The following MED25 variants were observed in gnomAD, a reference collection of about 807,000 sequenced individuals.
MED25 encodes the protein mediator complex subunit 25.
MED25 carries 62 observed loss-of-function variants against 89.4 expected under a neutral mutation model. That is an observed-to-expected ratio of 0.69 (90% CI 0.57 to 0.86). MED25 has a LOEUF of 0.86. Ranked by LOEUF, MED25 falls within the 40% of genes least tolerant of loss-of-function variation. The probability of loss-of-function intolerance (pLI) is 0.00; values close to 1 mark genes in which losing one functional copy is unlikely to be tolerated. For synonymous variants in MED25, 449 were observed against 427.9 expected (o/e 1.05, Z -0.61); for missense variants, 905 against 1,005.2 (o/e 0.90, Z 1.35).
Position 49,830,055 on chromosome 19 carries a change from C to T in MED25, c.689-33C>T. 1 of 1,599,848 alleles carries T rather than the reference C, an allele frequency of 6.3e-7. No individual in the cohort carries two copies. Among genetic ancestry groups the T allele is most frequent in the Admixed American group, 1.7e-5 (1 of 59,584 alleles). On this transcript the variant is annotated intron_variant, in intron 6 of 17. Transcript: ENST00000312865. The surrounding 1 kb of genome is among the most constrained non-coding windows in gnomAD (Gnocchi z 4.6). The stretch of plus-strand genomic sequence containing the variant: ...CCTTTCTCTGCATCTTGAATCCCTT[C>T]TCTCTGGGGTTGGCCATCCCTCCTG...
At chr19:49,837,234 C>G (rs956897290), downstream of MED25, among the ~76,000 whole-genome samples, 1 of 152,236 alleles carries the variant, frequency 6.6e-6, no homozygotes, top group Non-Finnish European at 1.5e-5. Context: ...AGGCATCTGA[C>G]CCAGCCCCAG....
Position 49,835,622 on chromosome 19 carries a change from C to A in MED25, c.1746+17C>A. ...CAGAATCTGGTGAGGACAGGGCTGG[C>A]GGGGTCGGGGCTGGGTTGGGGAGGC... is the stretch of plus-strand genomic sequence containing the variant. On this transcript the variant is annotated intron_variant, in intron 15 of 17. Transcript: ENST00000312865. The surrounding 1 kb of genome is among the most constrained non-coding windows in gnomAD (Gnocchi z 6.2). 1 of 1,555,610 alleles carries A rather than the reference C, an allele frequency of 6.4e-7. No individual in the cohort carries two copies. The highest frequency in any genetic ancestry group is 8.7e-7 in the Non-Finnish European group (1 of 1,150,036).
Position 49,830,810 on chromosome 19 carries a change from T to C in MED25, c.1024T>C (p.Ser342Pro). Residue 342 changes from serine to proline, a missense_variant, in exon 9 of 18, where the codon TCC becomes CCC. Physicochemically the swap from Ser to Pro is moderately conservative, Grantham distance 74. Coordinates refer to ENST00000312865, the MANE Select transcript of MED25 (RefSeq NM_030973.4). This position sits in a 1 kb window ranked among gnomAD's most constrained non-coding sequence, Gnocchi z 4.6. ...TGGCGCCCCCAAGCCACCACCTGCT[T>C]CCCAGCCCAGTCTGGTCTCCACTGT... ...PPGAPKPPPASQPSLVSTVAP... is the reference protein window; with the variant it reads ...PPGAPKPPPAPQPSLVSTVAP... The C allele has an allele frequency of 6.2e-6, 10 of 1,613,306 alleles. No individual in the cohort carries two copies. Among genetic ancestry groups the C allele is most frequent in the Non-Finnish European group, 8.5e-6 (10 of 1,179,850 alleles).
intron 3 of MED25, among the ~76,000 whole-genome samples, chr19:49,822,640 CTTTTTTTTTTTTTTT>C (rs536060694): frequency 2.9e-5 from 2 of 68,246 alleles, no homozygotes; most frequent in Admixed American, 2.4e-4. Flanking sequence ...CTGTTACATT[CTTTTTTTTTTTTTTT>C]TTTTTTTTTT....
intron 3 of MED25, among the ~76,000 whole-genome samples, chr19:49,824,308 A>C (rs1231121598): frequency 6.6e-6 from 1 of 152,192 alleles, no homozygotes; most frequent in East Asian, 1.9e-4. Context: ...CTGGACTGTG[A>C]ATGTCCAGGT....
In MED25 at chr19:49,828,462, G is replaced by T; in HGVS notation, c.319G>T (p.Gly107Cys). 6.2e-7 allele frequency: 1 copy of T among 1,613,878 alleles called. No individual in the cohort carries two copies. The highest frequency in any genetic ancestry group is 8.5e-7 in the Non-Finnish European group (1 of 1,179,800). The change falls in exon 4 of 18, where the codon GGT becomes TGT. Residue 107 changes from glycine (G) to cysteine (C), a missense_variant. By Grantham distance (159) the Gly-to-Cys change is radical. Transcript: ENST00000312865. ...WLDGIKFMGG[G>C]GESCSLIAEG... ...CTGCCCCTGCAGGTTCATGGGCGGG[G>T]GTGGTGAGAGCTGCAGCCTCATCGC...
chr19:49,839,866 C>T (rs1189231688), downstream of MED25: 1 of 152,246 alleles, frequency 6.6e-6, no homozygotes, highest in Admixed American at 6.5e-5. Context: ...TGAGAAGGAA[C>T]AGACATTGTC....
In MED25 at chr19:49,824,587, G is replaced by GA. The variant is rs71180656; in HGVS notation, c.306-3844dup. On this transcript the variant is annotated intron_variant, in intron 3 of 17. Transcript: ENST00000312865. ...GTGAAAGAGCGAGACCCTGTCTCGG[G>GA]AAAAAAAAAAAAAAAAAAGAGGTGG... 7.0e-3 allele frequency among the ~76,000 whole-genome samples: 859 copies of GA among 122,898 alleles called. 6 individuals are homozygous for GA. The highest frequency in any genetic ancestry group is 0.013 in the Middle Eastern group (3 of 234). The allele number at this position is 122,898 out of a possible 152,430, so 80.6% of individuals were successfully genotyped here.
chr19:49,832,190 G>A (rs1281244660), intron 12 of MED25, 33 bp downstream of exon 12: 8 of 1,608,180 alleles, frequency 5.0e-6, no homozygotes, highest in Middle Eastern at 4.1e-4. Context: ...CCCTGCTGCC[G>A]GGCAGTCCTC....
rs371877523 is a variant in MED25 at position 49,835,209 on chromosome 19, C to T, written c.1674+32C>T. The T allele has an allele frequency of 2.4e-4, 379 of 1,611,588 alleles. No individual in the cohort carries two copies. The highest frequency in any genetic ancestry group is 4.9e-4 in the Middle Eastern group (3 of 6,078). On this transcript the variant is annotated intron_variant, in intron 14 of 17. Coordinates refer to ENST00000312865, the MANE Select transcript of MED25 (RefSeq NM_030973.4). The surrounding 1 kb of genome is among the most constrained non-coding windows in gnomAD (Gnocchi z 6.2). ...GTTGACAGTCCCCAAACCAGCACTCCGACCCCCTCCTGCCCGGGCCCCACA... is the reference window on the plus strand; with the variant it reads ...GTTGACAGTCCCCAAACCAGCACTCTGACCCCCTCCTGCCCGGGCCCCACA...
downstream of MED25, chr19:49,840,083 C>T (rs1183778043): frequency 6.6e-6 from 1 of 152,078 alleles, no homozygotes; most frequent in Non-Finnish European, 1.5e-5. Flanking sequence ...GAACCTGAAT[C>T]AAATTAAACA....
intron 3 of MED25, among the ~76,000 whole-genome samples, chr19:49,821,684 G>A (rs2073983205): frequency 6.6e-6 from 1 of 152,078 alleles, no homozygotes; most frequent in Admixed American, 6.6e-5. Context: ...GGGCATGGTG[G>A]CGCATGCCTG....
chr19:49,824,291 C>T (rs2074001227), intron 3 of MED25, among the ~76,000 whole-genome samples: 1 of 152,216 alleles, frequency 6.6e-6, no homozygotes, highest in Non-Finnish European at 1.5e-5. Flanking sequence ...GTCACAGCCC[C>T]ACACCTCTGG....
In MED25 at chr19:49,830,271, G is replaced by T. The variant is rs2074045671; in HGVS notation, c.819+53G>T. The stretch of plus-strand genomic sequence containing the variant: ...CTTCTGGGGACTTGCTGGAGCCCTG[G>T]CCCCTGGGGAGAAATCTAGTTGCAT... On this transcript the variant is annotated intron_variant, in intron 7 of 17. Transcript: ENST00000312865. The surrounding 1 kb of genome is among the most constrained non-coding windows in gnomAD (Gnocchi z 4.6). 1 of 1,576,222 alleles carries T rather than the reference G, an allele frequency of 6.3e-7. No individual in the cohort carries two copies. The highest frequency in any genetic ancestry group is 1.7e-5 in the Admixed American group (1 of 58,698).
Position 49,835,234 on chromosome 19 carries a change from A to C in MED25, c.1674+57A>C. 1 of 1,579,592 alleles carries C rather than the reference A, an allele frequency of 6.3e-7. No individual in the cohort carries two copies. The highest frequency in any genetic ancestry group is 8.7e-7 in the Non-Finnish European group (1 of 1,149,508). ...CGACCCCCTCCTGCCCGGGCCCCACATGGCCCCCTGGGGTCTCCAGGACCA... is the reference window on the plus strand; with the variant it reads ...CGACCCCCTCCTGCCCGGGCCCCACCTGGCCCCCTGGGGTCTCCAGGACCA... On this transcript the variant is annotated intron_variant, in intron 14 of 17. Coordinates refer to ENST00000312865, the MANE Select transcript of MED25 (RefSeq NM_030973.4). This position sits in a 1 kb window ranked among gnomAD's most constrained non-coding sequence, Gnocchi z 6.2.
In MED25 at chr19:49,831,506, C is replaced by G; in HGVS notation, c.1230+45C>G. 6.3e-7 allele frequency: 1 copy of G among 1,597,866 alleles called. No individual in the cohort carries two copies. The highest frequency in any genetic ancestry group is 1.7e-5 in the Admixed American group (1 of 58,218). On this transcript the variant is annotated intron_variant, in intron 10 of 17. Coordinates refer to ENST00000312865, the MANE Select transcript of MED25 (RefSeq NM_030973.4). This position sits in a 1 kb window ranked among gnomAD's most constrained non-coding sequence, Gnocchi z 5.0. ...ATTGGGCACTTGGGACTCCTGGGGCCGTGGGGCTGGGCATGTAGGACTCAT... is the reference window on the plus strand; with the variant it reads ...ATTGGGCACTTGGGACTCCTGGGGCGGTGGGGCTGGGCATGTAGGACTCAT...
chr19:49,818,842 T>G, intron 2 of MED25: 1 of 591,178 alleles, frequency 1.7e-6, no homozygotes. Flanking sequence ...AGGAGGGAGC[T>G]AGGGGCCCAG....
intron 3 of MED25, among the ~76,000 whole-genome samples, chr19:49,823,597 G>A (rs761200068): frequency 1.4e-4 from 22 of 152,174 alleles, no homozygotes; most frequent in Non-Finnish European, 2.6e-4. Flanking sequence ...CTGGTCTGCA[G>A]TCAAGGTTCA....
At chr19:49,826,789 T>C (rs369837108) in intron 3 of MED25, among the ~76,000 whole-genome samples, 2 of 152,248 alleles carry the variant, frequency 1.3e-5, no homozygotes, top group African/African-American at 4.8e-5. Flanking sequence ...CGGGCCGGAA[T>C]GGGTGTGTTC....
Sources: gnomAD v4.1 joint callset for allele counts (sites outside exome capture counted in the v4.1 genomes callset) on GRCh38, gnomAD v4.1.1 for gene constraint, Gnocchi (gnomAD v3.1) non-coding constraint, MANE v1.5 for transcripts, NCBI Gene and HGNC (gene_info 2026-07-23, HGNC 2026-07-21) for gene names.